The following LINGO2 variants were observed in gnomAD, a reference collection of about 807,000 sequenced individuals.
LINGO2 encodes leucine rich repeat and Ig domain containing 2.
A neutral mutation model predicts 30.6 loss-of-function variants in LINGO2; 14 were observed. The observed-to-expected ratio is 0.46, with a 90% CI of 0.30 to 0.72. The LOEUF (loss-of-function observed/expected upper bound fraction) is 0.72. Among genes scored for constraint, LINGO2 ranks in the 30% least tolerant of loss-of-function variants. The probability of loss-of-function intolerance (pLI) is 0.07; values close to 1 mark genes in which losing one functional copy is unlikely to be tolerated. For synonymous variants in LINGO2, 317 were observed against 288.5 expected (o/e 1.10, Z -1.00); for missense variants, 729 against 751.7 (o/e 0.97, Z 0.35).
At chr9:28,901,009 G>A in the LINGO2 span, among the ~76,000 whole-genome samples, 3 of 151,876 alleles carry the variant, frequency 2.0e-5, no homozygotes, top group Non-Finnish European at 4.4e-5. Flanking sequence ...ACTAGAGGAA[G>A]ATATATTATA....
the LINGO2 span, among the ~76,000 whole-genome samples, chr9:28,740,492 A>G: frequency 1.3e-5 from 2 of 151,912 alleles, no homozygotes; most frequent in Non-Finnish European, 2.9e-5. Flanking sequence ...ATATAAATAT[A>G]TACAAACATA....
chr9:28,749,028 AT>A, the LINGO2 span, among the ~76,000 whole-genome samples: 1 of 152,056 alleles, frequency 6.6e-6, no homozygotes, highest in African/African-American at 2.4e-5. Flanking sequence ...TTCTAAAAAT[AT>A]GCAAAAATAA....
At chr9:28,789,131 T>G in the LINGO2 span, among the ~76,000 whole-genome samples, 1 of 152,294 alleles carries the variant, frequency 6.6e-6, no homozygotes, top group South Asian at 2.1e-4. Flanking sequence ...TGCTTTAAAA[T>G]ATCACCAACT....
At chr9:28,827,323 T>C in the LINGO2 span, among the ~76,000 whole-genome samples, 4 of 152,168 alleles carry the variant, frequency 2.6e-5, no homozygotes, top group Non-Finnish European at 5.9e-5. Context: ...TTAGCTTAAG[T>C]CATCCTCCTT....
chr9:28,204,117 T>C (rs1820331032), intron 4 of LINGO2, among the ~76,000 whole-genome samples: 1 of 152,188 alleles, frequency 6.6e-6, no homozygotes, highest in African/African-American at 2.4e-5. Context: ...CAAAGCCAGA[T>C]TGCAATGTTA....
the LINGO2 span, among the ~76,000 whole-genome samples, chr9:29,193,625 A>G: frequency 1.3e-5 from 2 of 152,166 alleles, no homozygotes; most frequent in Admixed American, 1.3e-4. Context: ...TCAGGCTTGG[A>G]AACCTGCAAA....
At position 28,391,850 on chromosome 9, in the gene LINGO2, T is replaced by C. The variant is rs962115648; in HGVS notation, c.-278-18982A>G. 2.0e-5 allele frequency among the ~76,000 whole-genome samples: 3 copies of C among 152,302 alleles called. No individual in the cohort carries two copies. In the South Asian group the frequency reaches 6.2e-4, roughly 32 times the overall value. On this transcript the variant is annotated intron_variant, in intron 2 of 5. Transcript: ENST00000379992. The stretch of plus-strand genomic sequence containing the variant: ...TGGGCTACATTGTACAAAAATCTAA[T>C]AGGGAAAAATAATTCTTAGTAAGAA...
At chr9:27,965,931 C>A (rs147117602) in intron 5 of LINGO2, among the ~76,000 whole-genome samples, 1 of 152,002 alleles carries the variant, frequency 6.6e-6, no homozygotes, top group South Asian at 2.1e-4. Context: ...TATGCGCAAC[C>A]GTCAAACTGT....
At chr9:27,976,829 G>C (rs1396810869) in intron 5 of LINGO2, among the ~76,000 whole-genome samples, 1 of 152,068 alleles carries the variant, frequency 6.6e-6, no homozygotes, top group East Asian at 1.9e-4. Flanking sequence ...GTAGATGCCA[G>C]GCTGGGAGTC....
chr9:28,431,327 T>C (rs1464290279), intron 2 of LINGO2, among the ~76,000 whole-genome samples: 1 of 152,082 alleles, frequency 6.6e-6, no homozygotes, highest in Non-Finnish European at 1.5e-5. Flanking sequence ...CCAAACTCAA[T>C]TTCTCTGTTT....
the LINGO2 span, among the ~76,000 whole-genome samples, chr9:29,169,947 C>T: frequency 6.6e-6 from 1 of 151,382 alleles, no homozygotes; most frequent in Non-Finnish European, 1.5e-5. Flanking sequence ...GTGAGCCAAG[C>T]TCGCGCCATT....
the LINGO2 span, among the ~76,000 whole-genome samples, chr9:29,059,772 T>C: frequency 7.2e-5 from 11 of 152,122 alleles, no homozygotes; most frequent in Non-Finnish European, 1.3e-4. Context: ...TAGAAGAACA[T>C]ACAAAAAGTA....
the LINGO2 span, among the ~76,000 whole-genome samples, chr9:29,156,649 A>C: frequency 6.6e-6 from 1 of 152,154 alleles, no homozygotes; most frequent in African/African-American, 2.4e-5. Context: ...TGAAAAAGTT[A>C]TTTGTGTCTT....
the LINGO2 span, among the ~76,000 whole-genome samples, chr9:28,735,177 A>G: frequency 6.6e-6 from 1 of 152,156 alleles, no homozygotes; most frequent in East Asian, 1.9e-4. Context: ...GATTTAAGAG[A>G]CAGGGTAGAG....
chr9:28,586,368 T>C (rs978245165), intron 1 of LINGO2, among the ~76,000 whole-genome samples: 2 of 152,050 alleles, frequency 1.3e-5, no homozygotes, highest in East Asian at 1.9e-4. Flanking sequence ...TAATGTGTTA[T>C]CAATTTTTAT....
intron 3 of LINGO2, among the ~76,000 whole-genome samples, chr9:28,343,224 T>C (rs569954713): frequency 2.0e-5 from 3 of 152,294 alleles, no homozygotes; most frequent in Admixed American, 1.3e-4. Context: ...AGCATCATAA[T>C]AAGACAATCA....
At position 28,130,530 on chromosome 9, in the gene LINGO2, A is replaced by G. The variant is rs2133441530; in HGVS notation, c.-86-118125T>C. 6.6e-6 allele frequency among the ~76,000 whole-genome samples: 1 copy of G among 152,330 alleles called. No individual in the cohort carries two copies. The highest frequency in any genetic ancestry group is 6.5e-5 in the Admixed American group (1 of 15,304). ...CTCTGTTAGAAATACCTGTAGAAAT[A>G]GGACATTGCTCCTATGTCAAGGAGT... On this transcript the variant is annotated intron_variant, in intron 4 of 5. Coordinates refer to ENST00000379992, the Ensembl canonical transcript of LINGO2. The surrounding 1 kb of genome is among the most constrained non-coding windows in gnomAD (Gnocchi z 5.2).
chr9:28,417,473 T>C (rs1823010144), intron 2 of LINGO2, among the ~76,000 whole-genome samples: 2 of 152,254 alleles, frequency 1.3e-5, no homozygotes, highest in African/African-American at 4.8e-5. Flanking sequence ...ATAAGTCTGA[T>C]AATATAGAAA....
At chr9:28,532,415 C>T (rs1180110765) in intron 1 of LINGO2, among the ~76,000 whole-genome samples, 1 of 151,822 alleles carries the variant, frequency 6.6e-6, no homozygotes, top group Non-Finnish European at 1.5e-5. Context: ...CATGATTTGT[C>T]CTCAGATTTT....
Sources: gnomAD v4.1 joint callset for allele counts (sites outside exome capture counted in the v4.1 genomes callset) on GRCh38, gnomAD v4.1.1 for gene constraint, Gnocchi (gnomAD v3.1) non-coding constraint, MANE v1.5 for transcripts, NCBI Gene and HGNC (gene_info 2026-07-23, HGNC 2026-07-21) for gene names.